Variants in CHPT1 observed in about 807,000 individuals in gnomAD.
CHPT1 encodes the protein choline phosphotransferase 1, also known as cholinephosphotransferase 1.
A neutral mutation model predicts 47.6 loss-of-function variants in CHPT1; 36 were observed. The ratio of observed to expected loss-of-function variants is 0.76; its 90% CI spans 0.58 to 1.00. CHPT1 has a LOEUF of 1.00. Ranked by LOEUF, CHPT1 falls within the 50% of genes least tolerant of loss-of-function variation. The pLI is 0.00. For synonymous variants in CHPT1, 194 were observed against 186.3 expected (o/e 1.04, Z -0.33); for missense variants, 458 against 498.1 (o/e 0.92, Z 0.77).
At chr12:101,717,569 T>C (rs907304449) in intron 4 of CHPT1, among the ~76,000 whole-genome samples, 4 of 151,926 alleles carry the variant, frequency 2.6e-5, no homozygotes, top group Middle Eastern at 3.2e-3. Context: ...ATAAAATAGA[T>C]ATTATTAGTA....
chr12:101,717,917 A>C (rs1951788503), intron 4 of CHPT1, among the ~76,000 whole-genome samples: 1 of 152,208 alleles, frequency 6.6e-6, no homozygotes, highest in South Asian at 2.1e-4. Context: ...GCTAAAAAGA[A>C]ATGAGCTATC....
chr12:101,698,264 G>A (rs1594117884), intron 1 of CHPT1, 130 bp downstream of exon 1: 1 of 1,291,288 alleles, frequency 7.7e-7, no homozygotes, highest in Non-Finnish European at 9.9e-7. Flanking sequence ...ACTGGCCACT[G>A]CCCCGGGCGG....
chr12:101,719,526 T>C (rs1951815296), intron 4 of CHPT1: 1 of 1,283,116 alleles, frequency 7.8e-7, no homozygotes, highest in African/African-American at 1.5e-5. Flanking sequence ...GGTAAATATA[T>C]TGCTAGAGAT....
intron 1 of CHPT1, among the ~76,000 whole-genome samples, chr12:101,704,293 G>C (rs1222083446): frequency 6.7e-6 from 1 of 149,716 alleles, no homozygotes; most frequent in Non-Finnish European, 1.5e-5. Flanking sequence ...ATCTATACTT[G>C]CTTTTATTTA....
At chr12:101,722,707 T>TAAAAAAAAAAAAAAAA (rs10605402) in intron 5 of CHPT1, among the ~76,000 whole-genome samples, 3 of 113,762 alleles carry the variant, frequency 2.6e-5, no homozygotes, top group Non-Finnish European at 5.9e-5. Flanking sequence ...CACAAAAAAT[T>TAAAAAAAAAAAAAAAA]AAAAAAAAAA....
intron 7 of CHPT1, among the ~76,000 whole-genome samples, chr12:101,724,632 G>A (rs1672160823): frequency 6.6e-6 from 1 of 152,106 alleles, no homozygotes; most frequent in Admixed American, 6.5e-5. Context: ...TAGATGTAAG[G>A]AACCCTTTTT....
chr12:101,722,721 A>AAG (rs1435622913), intron 5 of CHPT1, among the ~76,000 whole-genome samples: 3 of 151,408 alleles, frequency 2.0e-5, no homozygotes, highest in African/African-American at 7.3e-5. Flanking sequence ...AAAAAAAAAA[A>AAG]AAAAAGAAAA....
At chr12:101,711,639 T>C (rs554347493) in intron 1 of CHPT1, among the ~76,000 whole-genome samples, 3 of 148,420 alleles carry the variant, frequency 2.0e-5, no homozygotes, top group African/African-American at 7.3e-5. Flanking sequence ...TTAAAAAAAT[T>C]GAACTGTAAA....
At chr12:101,726,427 T>C in intron 8 of CHPT1, 23 bp downstream of exon 8, 1 of 1,601,892 alleles carries the variant, frequency 6.2e-7, no homozygotes, top group Non-Finnish European at 8.5e-7. Context: ...ATTGACTGAC[T>C]AATAGCCCAA....
intron 4 of CHPT1, 48 bp downstream of exon 4, chr12:101,716,860 A>G: frequency 8.3e-7 from 1 of 1,204,286 alleles, no homozygotes; most frequent in South Asian, 1.5e-5. Flanking sequence ...TCAAATATTT[A>G]GGAAAAAGTA....
chr12:101,712,197 T>A lies in CHPT1; in HGVS notation c.274-1893T>A, dbSNP rs558532877. On this transcript the variant is annotated intron_variant, in intron 1 of 8. Coordinates refer to ENST00000229266, the MANE Select transcript of CHPT1 (RefSeq NM_020244.3). ...CCGCCGCACCAGGCTAATTTTTATA[T>A]CTTTTGTAGAGATGGGGTTCACCAT... Among the ~76,000 whole-genome samples, 132 of 147,844 alleles carry A rather than the reference T, an allele frequency of 8.9e-4. 4 individuals carry two copies. The highest frequency in any genetic ancestry group is 3.1e-3 in the African/African-American group (129 of 41,006).
Position 101,697,807 on chromosome 12 carries a change from C to A in CHPT1, c.-55C>A. ...GCCTCTCCCTCCACCTCTCCCTGCC[C>A]CCAGCGCCAGGCGCGGGCTGCGCTC... On this transcript the variant is annotated 5_prime_UTR_variant, in exon 1 of 9. Coordinates refer to ENST00000229266, the MANE Select transcript of CHPT1 (RefSeq NM_020244.3). 1 of 695,976 alleles carries A rather than the reference C, an allele frequency of 1.4e-6. No homozygotes were observed. Among genetic ancestry groups the A allele is most frequent in the South Asian group, 6.5e-5 (1 of 15,474 alleles). 43.1% of individuals were successfully genotyped at this position (695,976 alleles called of 1,614,324 possible).
At chr12:101,723,927 C>G in intron 7 of CHPT1, 80 bp downstream of exon 7, 2 of 1,086,304 alleles carry the variant, frequency 1.8e-6, no homozygotes, top group Non-Finnish European at 2.7e-6. Context: ...GCCTCAAGAT[C>G]TAGTCTAGGC....
chr12:101,697,873 C>A lies in CHPT1; in HGVS notation c.12C>A (p.Gly4=). MAA[G]AGAGSAPRWL... ...GCCCTCAGGCGGCCATGGCGGCAGG[C>A]GCCGGGGCCGGGTCCGCGCCGCGCT... The change falls in exon 1 of 9, where the codon GGC becomes GGA. Residue 4 remains glycine (G), a synonymous_variant. Coordinates refer to ENST00000229266, the MANE Select transcript of CHPT1 (RefSeq NM_020244.3). 1 of 1,192,176 alleles carries A rather than the reference C, an allele frequency of 8.4e-7. No individual in the cohort carries two copies. The highest frequency in any genetic ancestry group is 1.0e-6 in the Non-Finnish European group (1 of 963,172). The allele number at this position is 1,192,176 out of a possible 1,614,324, so 73.8% of individuals were successfully genotyped here. A position where few individuals can be genotyped will look rare whatever the true frequency, so the allele number is the denominator to read the frequency against.
chr12:101,728,779 C>A, intron 8 of CHPT1, 122 bp from the exon 9 acceptor site: 1 of 1,126,326 alleles, frequency 8.9e-7, no homozygotes. Context: ...TTAGATTTGA[C>A]TTAACAGAAA....
intron 5 of CHPT1, among the ~76,000 whole-genome samples, chr12:101,721,171 G>C (rs1047117513): frequency 2.0e-5 from 3 of 152,068 alleles, no homozygotes; most frequent in Admixed American, 1.3e-4. Flanking sequence ...TGTAAATCCA[G>C]CTAGCTACTT....
At chr12:101,712,174 G>A (rs956319054) in intron 1 of CHPT1, among the ~76,000 whole-genome samples, 8 of 147,760 alleles carry the variant, frequency 5.4e-5, no homozygotes, top group African/African-American at 1.7e-4. Flanking sequence ...AGTGTACACC[G>A]CCGCACCAGG....
intron 4 of CHPT1, among the ~76,000 whole-genome samples, chr12:101,718,849 C>T (rs1032185493): frequency 3.3e-5 from 5 of 151,816 alleles, no homozygotes; most frequent in African/African-American, 1.2e-4. Context: ...CTACTATAGG[C>T]CCATACAAGA....
intron 4 of CHPT1, among the ~76,000 whole-genome samples, chr12:101,719,261 T>A (rs1399329055): frequency 1.3e-5 from 2 of 152,134 alleles, no homozygotes; most frequent in East Asian, 3.8e-4. Context: ...AATTGAATCT[T>A]AAAATTGTTT....
Sources: gnomAD v4.1 joint callset for allele counts (sites outside exome capture counted in the v4.1 genomes callset) on GRCh38, gnomAD v4.1.1 for gene constraint, MANE v1.5 for transcripts, NCBI Gene and HGNC (gene_info 2026-07-23, HGNC 2026-07-21) for gene names.